The following SDK2 variants were observed in gnomAD, a reference collection of about 807,000 sequenced individuals.
SDK2 encodes protein sidekick-2.
A neutral mutation model predicts 253.9 loss-of-function variants in SDK2; 105 were observed. The ratio of observed to expected loss-of-function variants is 0.41; its 90% CI spans 0.35 to 0.49. The LOEUF is 0.49. Among genes scored for constraint, SDK2 ranks in the 20% least tolerant of loss-of-function variants. The pLI, the probability that SDK2 is intolerant of heterozygous loss-of-function variation, is 0.06. For synonymous variants in SDK2, 1,249 were observed against 1,234.9 expected, an observed-to-expected ratio of 1.01 and a Z score of -0.24; for missense variants, 2,608 against 3,003.0, an observed-to-expected ratio of 0.87 and a Z score of 3.07.
intron 4 of SDK2, among the ~76,000 whole-genome samples, chr17:73,453,060 C>G (rs1012699330): frequency 5.9e-5 from 9 of 152,212 alleles, no homozygotes; most frequent in African/African-American, 1.9e-4. Flanking sequence ...GCTCTGTATC[C>G]ACACTCTTTG....
intron 1 of SDK2, among the ~76,000 whole-genome samples, chr17:73,634,573 G>C (rs374251703): frequency 2.6e-5 from 4 of 152,286 alleles, no homozygotes; most frequent in Admixed American, 2.0e-4. Context: ...TGGGTTCTCT[G>C]TGCCATATTT....
chr17:73,388,316 T>G (rs9915160), intron 29 of SDK2, among the ~76,000 whole-genome samples: 151,801 of 152,280 alleles, frequency 1, 75,664 homozygotes, highest in Middle Eastern at 1. Flanking sequence ...CGGTGAGGAG[T>G]GACAAACACC....
At position 73,612,720 on chromosome 17, in the gene SDK2, A is replaced by G. The variant is rs2045992626; in HGVS notation, c.64+31305T>C. Reference sequence around the variant, plus strand: ...GATCACAAGGTCAAGACTTTGAGACAAGCCTGACCAACATGGTGAAACCCC... The same window carrying G: ...GATCACAAGGTCAAGACTTTGAGACGAGCCTGACCAACATGGTGAAACCCC... On this transcript the variant is annotated intron_variant, in intron 1 of 44. Transcript: ENST00000392650. The surrounding 1 kb of genome is among the most constrained non-coding windows in gnomAD (Gnocchi z 4.4). Among the ~76,000 whole-genome samples, 1 of 152,094 alleles carries G rather than the reference A, an allele frequency of 6.6e-6. No individual in the cohort carries two copies. The highest frequency in any genetic ancestry group is 2.1e-4 in the South Asian group (1 of 4,832).
chr17:73,627,646 C>A (rs1169686258), intron 1 of SDK2, among the ~76,000 whole-genome samples: 2 of 152,238 alleles, frequency 1.3e-5, no homozygotes, highest in East Asian at 1.9e-4. Flanking sequence ...CCTAACAGAG[C>A]CCCTCGGGCT....
Position 73,431,400 on chromosome 17 carries a change from G to A in SDK2, c.1480+102C>T. ...AGACACTGGGGATGGAGACACTGGT[G>A]GTATGAGCCTGTGCCCCGTAGCTGT... On this transcript the variant is annotated intron_variant, in intron 11 of 44. Transcript: ENST00000392650. This position sits in a 1 kb window ranked among gnomAD's most constrained non-coding sequence, Gnocchi z 5.6. 2 of 1,128,322 alleles carry A rather than the reference G, an allele frequency of 1.8e-6. No homozygotes were observed. Among genetic ancestry groups the A allele is most frequent in the Non-Finnish European group, 2.5e-6 (2 of 803,068 alleles). The allele number at this position is 1,128,322 out of a possible 1,614,324, so 69.9% of individuals were successfully genotyped here. A position where few individuals can be genotyped will look rare whatever the true frequency, so the allele number is the denominator to read the frequency against.
intron 3 of SDK2, among the ~76,000 whole-genome samples, chr17:73,459,899 C>T (rs2063552471): frequency 6.6e-6 from 1 of 152,140 alleles, no homozygotes. Context: ...AGGGCTCCTT[C>T]CTCACAGATT....
Position 73,593,632 on chromosome 17 carries a change from C to G in SDK2, c.64+50393G>C, listed in dbSNP as rs111467864. Among the ~76,000 whole-genome samples, 269 of 152,326 alleles carry G rather than the reference C, an allele frequency of 1.8e-3. 2 individuals carry two copies. Among genetic ancestry groups the G allele is most frequent in the African/African-American group, 6.2e-3 (258 of 41,572 alleles). ...TGAACCCCTTCTCTGCAGTGCCCCC[C>G]CAAAGTGTGCCACTCACATGTTTAC... On this transcript the variant is annotated intron_variant, in intron 1 of 44. Transcript: ENST00000392650.
In SDK2 at chr17:73,395,300, G is replaced by A. The variant is rs1444144953; in HGVS notation, c.3447C>T (p.Ser1149=). ...SRSDGHGKTL[S]HVVQDRVERD... is the part of the protein sequence containing the mutation. ...GCTCCACACGGTCCTGCACCACGTG[G>A]CTCAGCGTCTTGCCATGCCCGTCTG... The change falls in exon 25 of 45, where the codon AGC becomes AGT. Residue 1149 remains serine, a synonymous_variant. Transcript: ENST00000392650. The surrounding 1 kb of genome is among the most constrained non-coding windows in gnomAD (Gnocchi z 4.3). The A allele has an allele frequency of 6.2e-7, 1 of 1,613,900 alleles. No individual in the cohort carries two copies. The highest frequency in any genetic ancestry group is 1.3e-5 in the African/African-American group (1 of 74,936).
intron 5 of SDK2, among the ~76,000 whole-genome samples, chr17:73,441,724 A>G (rs959884213): frequency 6.6e-6 from 1 of 152,220 alleles, no homozygotes; most frequent in Non-Finnish European, 1.5e-5. Flanking sequence ...TGAAAGGCTC[A>G]ATTTCTGTTG....
At chr17:73,368,303 G>A (rs2062702987) in intron 37 of SDK2, 104 bp downstream of exon 37, 1 of 1,084,536 alleles carries the variant, frequency 9.2e-7, no homozygotes, top group Admixed American at 3.3e-5. Context: ...AGGCGGATAA[G>A]GCAGCTGCCC....
At chr17:73,605,110 AC>A (rs1300645203) in intron 1 of SDK2, among the ~76,000 whole-genome samples, 1 of 152,242 alleles carries the variant, frequency 6.6e-6, no homozygotes, top group Admixed American at 6.5e-5. Context: ...CATGGAGATC[AC>A]AGGCAACTTT....
chr17:73,345,148 G>A (rs1389493562), intron 44 of SDK2, among the ~76,000 whole-genome samples: 4 of 152,004 alleles, frequency 2.6e-5, no homozygotes, highest in Admixed American at 6.6e-5. Context: ...GTGAAATCCC[G>A]TCTTTACTAA....
chr17:73,394,337 GGGAGT>G lies in SDK2; in HGVS notation c.3593-18_3593-14del. On this transcript the variant is annotated splice_polypyrimidine_tract_variant and intron_variant, in intron 25 of 44. Coordinates refer to ENST00000392650, the MANE Select transcript of SDK2 (RefSeq NM_001144952.2). ...CCGGAAGAGGGAACTGTGGGGGAAAGGGAGTGGAGAGAAGGCACTCAGGACCCAAC... is the reference window on the plus strand; with the variant it reads ...CCGGAAGAGGGAACTGTGGGGGAAAGGGAGAGAAGGCACTCAGGACCCAAC... The G allele has an allele frequency of 6.5e-7, 1 of 1,543,162 alleles. No individual in the cohort carries two copies. The highest frequency in any genetic ancestry group is 8.8e-7 in the Non-Finnish European group (1 of 1,137,160).
At chr17:73,401,319 G>A in intron 20 of SDK2, 108 bp from the exon 21 acceptor site, 1 of 1,028,834 alleles carries the variant, frequency 9.7e-7, no homozygotes, top group Non-Finnish European at 1.4e-6. Flanking sequence ...GATCCACGCT[G>A]GGAGCAATGG....
intron 1 of SDK2, among the ~76,000 whole-genome samples, chr17:73,586,669 G>T (rs796136458): frequency 6.6e-6 from 1 of 152,148 alleles, no homozygotes; most frequent in Non-Finnish European, 1.5e-5. Context: ...ACCCCTGGTC[G>T]ACCAGCTGGG....
Position 73,639,808 on chromosome 17 carries a change from A to T in SDK2, c.64+4217T>A, listed in dbSNP as rs2046376160. ...GCTATAAGGGGACAATTTCTTCATC[A>T]GCATAAAACATAGCTAACAGCCAGC... On this transcript the variant is annotated intron_variant, in intron 1 of 44. Transcript: ENST00000392650. The surrounding 1 kb of genome is among the most constrained non-coding windows in gnomAD (Gnocchi z 4.3). Among the ~76,000 whole-genome samples the T allele has an allele frequency of 6.6e-6, 1 of 152,132 alleles. No homozygotes were observed. Among genetic ancestry groups the T allele is most frequent in the African/African-American group, 2.4e-5 (1 of 41,440 alleles).
rs557191445 is a variant in SDK2 at position 73,467,948 on chromosome 17, G to A, written c.331+4164C>T. ...TCTGCTCCCCCTTCAGCCACTCCAAGGTGTCCTATTCCTTTGCCAGGGGCC... is the reference window on the plus strand; with the variant it reads ...TCTGCTCCCCCTTCAGCCACTCCAAAGTGTCCTATTCCTTTGCCAGGGGCC... On this transcript the variant is annotated intron_variant, in intron 3 of 44. Coordinates refer to ENST00000392650, the MANE Select transcript of SDK2 (RefSeq NM_001144952.2). The surrounding 1 kb of genome is among the most constrained non-coding windows in gnomAD (Gnocchi z 4.1). Among the ~76,000 whole-genome samples the A allele has an allele frequency of 1.3e-5, 2 of 152,292 alleles. No individual in the cohort carries two copies. Among genetic ancestry groups the A allele is most frequent in the South Asian group, 4.2e-4 (2 of 4,810 alleles).
chr17:73,483,707 A>ATATAT (rs1322209671), intron 2 of SDK2, among the ~76,000 whole-genome samples: 1 of 64,306 alleles, frequency 1.6e-5, no homozygotes, highest in Non-Finnish European at 2.7e-5. Flanking sequence ...ATATATATAT[A>ATATAT]TTTTTTTTTT....
At chr17:73,430,094 C>T (rs72844125) in intron 12 of SDK2, among the ~76,000 whole-genome samples, 25,989 of 152,244 alleles carry the variant, frequency 0.17, 2,884 homozygotes, top group Non-Finnish European at 0.25. Context: ...GACCCCTCTG[C>T]TGCCCATTCA....
Sources: allele counts gnomAD v4.1 joint callset (sites outside exome capture counted in the v4.1 genomes callset), GRCh38; gene constraint gnomAD v4.1.1; non-coding constraint Gnocchi (gnomAD v3.1); transcripts MANE v1.5; gene names NCBI Gene and HGNC (gene_info 2026-07-23, HGNC 2026-07-21).